The following PRKCA variants were observed in gnomAD, a reference collection of about 807,000 sequenced individuals.
PRKCA encodes the protein protein kinase C alpha, also known as protein kinase C alpha type.
In PRKCA, 27 loss-of-function variants were observed where a neutral mutation model predicts 87.0. That is an observed-to-expected ratio of 0.31 (90% CI 0.23 to 0.43). PRKCA has a LOEUF of 0.43. Among genes scored for constraint, PRKCA ranks in the 20% least tolerant of loss-of-function variants. The pLI, the probability that PRKCA is intolerant of heterozygous loss-of-function variation, is 1.00. For synonymous variants in PRKCA, 329 were observed against 311.1 expected (o/e 1.06, Z -0.61); for missense variants, 518 against 852.3 (o/e 0.61, Z 4.88).
intron 8 of PRKCA, among the ~76,000 whole-genome samples, chr17:66,714,766 G>A (rs1973432604): frequency 6.6e-6 from 1 of 152,170 alleles, no homozygotes; most frequent in African/African-American, 2.4e-5. Context: ...CTTTACTGGT[G>A]TCCCAGACCG....
chr17:66,698,038 C>T (rs1046700790), intron 8 of PRKCA, among the ~76,000 whole-genome samples: 26 of 152,176 alleles, frequency 1.7e-4, no homozygotes, highest in Admixed American at 1.3e-4. Context: ...AGAGCAGGTG[C>T]ATCCATAGAA....
intron 2 of PRKCA, among the ~76,000 whole-genome samples, chr17:66,317,113 G>A (rs926436238): frequency 8.0e-5 from 12 of 150,722 alleles, no homozygotes; most frequent in African/African-American, 2.4e-4. Context: ...CTGCACTCCA[G>A]CCTGGGTGAC....
At chr17:66,499,627 A>G (rs1916639563) in intron 3 of PRKCA, among the ~76,000 whole-genome samples, 1 of 152,304 alleles carries the variant, frequency 6.6e-6, no homozygotes, top group South Asian at 2.1e-4. Context: ...AAAGCTTTAG[A>G]AAAGATATGC....
intron 3 of PRKCA, among the ~76,000 whole-genome samples, chr17:66,526,351 C>T (rs530458305): frequency 1.3e-5 from 2 of 152,274 alleles, no homozygotes; most frequent in South Asian, 4.2e-4. Context: ...TTTACAACAA[C>T]AATCATGTTA....
chr17:66,513,205 G>A (rs1240703267), intron 3 of PRKCA, among the ~76,000 whole-genome samples: 4 of 152,190 alleles, frequency 2.6e-5, no homozygotes, highest in African/African-American at 9.7e-5. Flanking sequence ...ATGAGTGAAT[G>A]CATTTTAGTT....
At chr17:66,800,436 A>G (rs1429655564) in intron 16 of PRKCA, among the ~76,000 whole-genome samples, 1 of 152,098 alleles carries the variant, frequency 6.6e-6, no homozygotes, top group African/African-American at 2.4e-5. Context: ...CCATTTTATC[A>G]CAGTACTTAG....
At chr17:66,436,763 A>G (rs62070398) in intron 2 of PRKCA, among the ~76,000 whole-genome samples, 6,364 of 152,308 alleles carry the variant, frequency 0.042, 196 homozygotes, top group Admixed American at 0.075. Context: ...GAGAAATTCA[A>G]GAAAGACACA....
intron 5 of PRKCA, among the ~76,000 whole-genome samples, chr17:66,654,089 G>A (rs1160982763): frequency 1.3e-5 from 2 of 152,220 alleles, no homozygotes; most frequent in Non-Finnish European, 2.9e-5. Context: ...GGGGCGTTCA[G>A]TGTTCTTGCA....
At chr17:66,778,780 A>G (rs1456504816) in intron 14 of PRKCA, among the ~76,000 whole-genome samples, 2 of 149,368 alleles carry the variant, frequency 1.3e-5, no homozygotes, top group African/African-American at 4.9e-5. Context: ...GGTCAAGGCT[A>G]GCAGTGAGCT....
At chr17:66,594,384 C>T (rs1397439084) in intron 3 of PRKCA, among the ~76,000 whole-genome samples, 1 of 152,160 alleles carries the variant, frequency 6.6e-6, no homozygotes, top group Non-Finnish European at 1.5e-5. Context: ...CTTGATGATG[C>T]TCAACAGAAC....
At position 66,809,116 on chromosome 17, in the gene PRKCA, CA is replaced by C. The variant is rs1237317057; in HGVS notation, c.*5080del. 6.6e-6 allele frequency: 1 copy of C among 152,162 alleles called. No homozygotes were observed. The highest frequency in any genetic ancestry group is 1.5e-5 in the Non-Finnish European group (1 of 68,034). 9.4% of individuals were successfully genotyped at this position (152,162 alleles called of 1,614,324 possible). A position where few individuals can be genotyped will look rare whatever the true frequency, so the allele number is the denominator to read the frequency against. ...CCCATTTGGGCTGATGCAGCAGATC[CA>C]GGGAATGTTACCTGTTTCTGCTGCT... On this transcript the variant is annotated 3_prime_UTR_variant, in exon 17 of 17. Transcript: ENST00000413366.
chr17:66,348,200 G>T (rs1415853712), intron 2 of PRKCA, among the ~76,000 whole-genome samples: 1 of 151,932 alleles, frequency 6.6e-6, no homozygotes, highest in Non-Finnish European at 1.5e-5. Flanking sequence ...CCTTGGCCTC[G>T]TAAAGTGCTG....
intron 3 of PRKCA, among the ~76,000 whole-genome samples, chr17:66,540,373 C>T (rs971483493): frequency 6.6e-6 from 1 of 152,182 alleles, no homozygotes; most frequent in Non-Finnish European, 1.5e-5. Context: ...TGCCTGCAAA[C>T]CCTGGAGTGG....
At chr17:66,611,129 C>G (rs1260205741) in intron 3 of PRKCA, among the ~76,000 whole-genome samples, 1 of 152,070 alleles carries the variant, frequency 6.6e-6, no homozygotes, top group Non-Finnish European at 1.5e-5. Flanking sequence ...GGGGAGGAGT[C>G]CAAGTGAATA....
intron 2 of PRKCA, among the ~76,000 whole-genome samples, chr17:66,482,376 C>T (rs962355663): frequency 1.2e-4 from 18 of 152,302 alleles, no homozygotes; most frequent in South Asian, 4.1e-4. Context: ...TCGCTGCTCA[C>T]CCCTTCCAGT....
Position 66,788,950 on chromosome 17 carries a change from G to T in PRKCA, c.1825G>T (p.Glu609Ter), listed in dbSNP as rs767590051. ...RIDWEKLENR[E>*]IQPPFKPKVC... ...CGACTGGGAAAAACTGGAGAACAGGGAGATCCAGCCACCATTCAAGCCCAA... is the reference window on the plus strand; with the variant it reads ...CGACTGGGAAAAACTGGAGAACAGGTAGATCCAGCCACCATTCAAGCCCAA... Residue 609 changes from glutamate (E) to a stop codon, truncating the protein, a stop_gained, in exon 16 of 17, where the codon GAG (glutamate) becomes TAG (stop). Coordinates refer to ENST00000413366, the MANE Select transcript of PRKCA (RefSeq NM_002737.3). LOFTEE classifies it high-confidence loss of function. The T allele has an allele frequency of 6.2e-7, 1 of 1,614,078 alleles. No individual in the cohort carries two copies. Among genetic ancestry groups the T allele is most frequent in the African/African-American group, 1.3e-5 (1 of 74,934 alleles).
intron 2 of PRKCA, among the ~76,000 whole-genome samples, chr17:66,447,524 A>G (rs1017947666): frequency 1.3e-5 from 2 of 152,216 alleles, no homozygotes; most frequent in African/African-American, 4.8e-5. Flanking sequence ...TTTTCTTGCT[A>G]AAGTGCAGCT....
chr17:66,441,825 T>C (rs1356827982), intron 2 of PRKCA, among the ~76,000 whole-genome samples: 1 of 152,198 alleles, frequency 6.6e-6, no homozygotes, highest in Non-Finnish European at 1.5e-5. Flanking sequence ...ATGACGTATG[T>C]ATATTTATAC....
At chr17:66,461,910 TGGGGTTCCTAACTAC>T in intron 2 of PRKCA, among the ~76,000 whole-genome samples, 1 of 152,022 alleles carries the variant, frequency 6.6e-6, no homozygotes, top group African/African-American at 2.4e-5. Context: ...AGGAGGAGAC[TGGGGTTCCTAACTAC>T]CGAGGAGGAG....
Sources: allele counts gnomAD v4.1 joint callset (sites outside exome capture counted in the v4.1 genomes callset), GRCh38; gene constraint gnomAD v4.1.1; transcripts MANE v1.5; gene names NCBI Gene and HGNC (gene_info 2026-07-23, HGNC 2026-07-21).